The following GLT1D1 variants were observed in gnomAD, a reference collection of about 807,000 sequenced individuals.
GLT1D1 encodes the protein glycosyltransferase 1 domain-containing protein 1.
GLT1D1 carries 21 observed loss-of-function variants against 28.7 expected under a neutral mutation model. The observed-to-expected ratio is 0.73, with a 90% CI of 0.52 to 1.05. GLT1D1 has a LOEUF of 1.05. GLT1D1 is among the 50% of genes least tolerant of loss of function. The pLI, the probability that GLT1D1 is intolerant of heterozygous loss-of-function variation, is 0.00. For synonymous variants in GLT1D1, 147 were observed against 124.8 expected (o/e 1.18, Z -1.19); for missense variants, 343 against 330.6 (o/e 1.04, Z -0.29).
chr12:128,976,023 C>G (rs766982249), intron 7 of GLT1D1, among the ~76,000 whole-genome samples: 1 of 152,116 alleles, frequency 6.6e-6, no homozygotes, highest in Non-Finnish European at 1.5e-5. Context: ...TCGTCAGCGG[C>G]GACAGTTTGA....
chr12:128,857,677 A>G (rs1956256074), intron 1 of GLT1D1, among the ~76,000 whole-genome samples: 1 of 152,220 alleles, frequency 6.6e-6, no homozygotes, highest in South Asian at 2.1e-4. Context: ...GACCACCTTC[A>G]ACTGACCCTG....
chr12:128,913,384 C>A (rs1379409009), intron 4 of GLT1D1, among the ~76,000 whole-genome samples: 1 of 152,122 alleles, frequency 6.6e-6, no homozygotes, highest in Admixed American at 6.5e-5. Flanking sequence ...CCACGCCCAG[C>A]TAATTTTTGT....
intron 3 of GLT1D1, among the ~76,000 whole-genome samples, chr12:128,898,037 C>CT (rs1017516135): frequency 9.9e-5 from 15 of 152,110 alleles, no homozygotes; most frequent in East Asian, 3.9e-4. Flanking sequence ...ATCTTTCTAT[C>CT]TTTTTTTCAC....
chr12:128,907,837 T>C (rs991084422), intron 4 of GLT1D1, among the ~76,000 whole-genome samples: 1 of 152,210 alleles, frequency 6.6e-6, no homozygotes, highest in Non-Finnish European at 1.5e-5. Flanking sequence ...AAATGTGTGG[T>C]ACCATCACAA....
At chr12:128,902,674 A>G (rs901734979) in intron 4 of GLT1D1, among the ~76,000 whole-genome samples, 3 of 151,568 alleles carry the variant, frequency 2.0e-5, no homozygotes, top group Non-Finnish European at 2.9e-5. Context: ...ATAGACCTCA[A>G]CCAAAACAAC....
chr12:128,905,068 C>T (rs961032846), intron 4 of GLT1D1, among the ~76,000 whole-genome samples: 1 of 132,050 alleles, frequency 7.6e-6, no homozygotes. Context: ...CGCGCCTGGC[C>T]CATTTCCCAC....
At chr12:128,920,354 G>T (rs1038723619) in intron 4 of GLT1D1, among the ~76,000 whole-genome samples, 2 of 152,168 alleles carry the variant, frequency 1.3e-5, no homozygotes, top group African/African-American at 4.8e-5. Flanking sequence ...AGGAGTTCAA[G>T]ACCAGCTTGA....
intron 7 of GLT1D1, among the ~76,000 whole-genome samples, chr12:128,974,898 C>T (rs1054143023): frequency 1.3e-5 from 2 of 152,256 alleles, no homozygotes; most frequent in African/African-American, 4.8e-5. Context: ...CAGAGGCCAG[C>T]TCTCTCTTCG....
intron 1 of GLT1D1, among the ~76,000 whole-genome samples, chr12:128,867,847 GGGCAGA>G (rs1956586284): frequency 6.6e-6 from 1 of 152,150 alleles, no homozygotes. Context: ...GGGTCCGAGG[GGGCAGA>G]GGTCAATGGT....
chr12:128,940,678 G>T (rs1404672267), intron 4 of GLT1D1, among the ~76,000 whole-genome samples: 1 of 152,168 alleles, frequency 6.6e-6, no homozygotes, highest in Non-Finnish European at 1.5e-5. Context: ...GCAACAGGAC[G>T]GAAATAGTCC....
chr12:128,983,016 T>C lies in GLT1D1; in HGVS notation c.727T>C (p.Tyr243His). 2 of 1,614,016 alleles carry C rather than the reference T, an allele frequency of 1.2e-6. No individual in the cohort carries two copies. Among genetic ancestry groups the C allele is most frequent in the South Asian group, 2.2e-5 (2 of 91,084 alleles). The change falls in exon 8 of 8, where the codon TAT becomes CAT. Residue 243 changes from tyrosine to histidine, a missense_variant. Coordinates refer to ENST00000281703, the MANE Select transcript of GLT1D1 (RefSeq NM_144669.3). The surrounding 1 kb of genome is among the most constrained non-coding windows in gnomAD (Gnocchi z 4.7). ...GAACGGAAGGGAATACGTGAGAATGTATCATTCATGGCAGGTGGAAAGAGA... is the reference window on the plus strand; with the variant it reads ...GAACGGAAGGGAATACGTGAGAATGCATCATTCATGGCAGGTGGAAAGAGA...
intron 2 of GLT1D1, among the ~76,000 whole-genome samples, chr12:128,884,676 A>C (rs921983469): frequency 2.6e-5 from 4 of 151,976 alleles, no homozygotes; most frequent in Non-Finnish European, 4.4e-5. Flanking sequence ...TTAGCTGGGC[A>C]TGGTGGCACT....
intron 2 of GLT1D1, among the ~76,000 whole-genome samples, chr12:128,884,419 T>G (rs1409746632): frequency 6.6e-6 from 1 of 152,080 alleles, no homozygotes; most frequent in Admixed American, 6.6e-5. Context: ...TAGGGAAACG[T>G]TGGTCAAAAA....
In GLT1D1 at chr12:128,853,554, G is replaced by C; in HGVS notation, c.-28G>C. 1 of 1,059,512 alleles carries C rather than the reference G, an allele frequency of 9.4e-7. No homozygotes were observed. Among genetic ancestry groups the C allele is most frequent in the Non-Finnish European group, 1.1e-6 (1 of 881,810 alleles). The allele number at this position is 1,059,512 out of a possible 1,614,324, so 65.6% of individuals were successfully genotyped here. ...GGGCCTGGTCGGCGGCGGCGGGGCC[G>C]GTCGATGGCCCGGGCGGCGGCGGCG... On this transcript the variant is annotated 5_prime_UTR_variant, in exon 1 of 8. Coordinates refer to ENST00000281703, the MANE Select transcript of GLT1D1 (RefSeq NM_144669.3).
intron 4 of GLT1D1, 184 bp from the exon 9 acceptor site, chr12:128,945,142 G>T: frequency 1.4e-6 from 1 of 737,294 alleles, no homozygotes; most frequent in Non-Finnish European, 2.5e-6. Context: ...CGACGACACA[G>T]TGCCCTTGCC....
Position 128,983,148 on chromosome 12 carries a change from A to AGCTGT in GLT1D1, c.*59_*60insCTGTG. The AGCTGT allele has an allele frequency of 6.6e-7, 1 of 1,522,354 alleles. No individual in the cohort carries two copies. The highest frequency in any genetic ancestry group is 9.1e-7 in the Non-Finnish European group (1 of 1,104,644). 94.3% of individuals were successfully genotyped at this position (1,522,354 alleles called of 1,614,324 possible). ...CACACAGCTCTGGGTGCACACTCAG[A>AGCTGT]GACAGAGTTCTGGATCACGTGGGCC... On this transcript the variant is annotated 3_prime_UTR_variant, in exon 8 of 8. Coordinates refer to ENST00000281703, the MANE Select transcript of GLT1D1 (RefSeq NM_144669.3). The surrounding 1 kb of genome is among the most constrained non-coding windows in gnomAD (Gnocchi z 4.7).
At chr12:128,893,474 A>G (rs1869295460) in intron 3 of GLT1D1, among the ~76,000 whole-genome samples, 1 of 152,240 alleles carries the variant, frequency 6.6e-6, no homozygotes, top group Non-Finnish European at 1.5e-5. Context: ...TACAAAAAAA[A>G]TCACATGTGA....
intron 4 of GLT1D1, among the ~76,000 whole-genome samples, chr12:128,907,287 G>A (rs562224185): frequency 6.8e-6 from 1 of 147,898 alleles, no homozygotes; most frequent in Non-Finnish European, 1.5e-5. Context: ...GATTGATCAT[G>A]TCCCAGGAAG....
chr12:128,908,361 T>TTTCTTTCTTTCTTTCTTTCTTTTC (rs1555266884), intron 4 of GLT1D1, among the ~76,000 whole-genome samples: 2 of 120,050 alleles, frequency 1.7e-5, no homozygotes, highest in African/African-American at 5.9e-5. Context: ...TCTTTCTTTC[T>TTTCTTTCTTTCTTTCTTTCTTTTC]TTTCTTTCTT....
Sources: gnomAD v4.1 joint callset for allele counts (sites outside exome capture counted in the v4.1 genomes callset) on GRCh38, gnomAD v4.1.1 for gene constraint, Gnocchi (gnomAD v3.1) non-coding constraint, MANE v1.5 for transcripts, NCBI Gene and HGNC (gene_info 2026-07-23, HGNC 2026-07-21) for gene names.